The following MKLN1 variants were observed in gnomAD, a reference collection of about 807,000 sequenced individuals.
MKLN1 encodes muskelin 1.
MKLN1 carries 18 observed loss-of-function variants against 99.0 expected under a neutral mutation model. That is an observed-to-expected ratio of 0.18 (90% CI 0.13 to 0.27). The LOEUF is 0.27. Among genes scored for constraint, MKLN1 ranks in the 10% least tolerant of loss-of-function variants. The probability of loss-of-function intolerance (pLI) is 1.00; values close to 1 mark genes in which losing one functional copy is unlikely to be tolerated. For missense variants in MKLN1, 621 were observed against 875.9 expected (o/e 0.71, Z 3.67); for synonymous variants, 288 against 293.2 (o/e 0.98, Z 0.18).
chr7:131,281,494 G>T, intron 3 of MKLN1, among the ~76,000 whole-genome samples: 1 of 151,958 alleles, frequency 6.6e-6, no homozygotes, highest in African/African-American at 2.4e-5. Context: ...TCCTCTTCAA[G>T]ATTGTTTTGG....
At chr7:131,219,041 A>G (rs1158074356) in intron 3 of MKLN1, among the ~76,000 whole-genome samples, 5 of 152,190 alleles carry the variant, frequency 3.3e-5, no homozygotes. Context: ...GGTGGTTGCC[A>G]GAAGCTGGGG....
intron 3 of MKLN1, among the ~76,000 whole-genome samples, chr7:131,228,184 C>T (rs945498263): frequency 2.0e-5 from 3 of 152,196 alleles, no homozygotes; most frequent in African/African-American, 7.2e-5. Flanking sequence ...CCACCTCAGC[C>T]CCCTGAGTAG....
intron 4 of MKLN1, among the ~76,000 whole-genome samples, chr7:131,391,874 A>G (rs1028108325): frequency 2.0e-5 from 3 of 152,322 alleles, no homozygotes; most frequent in Admixed American, 6.5e-5. Flanking sequence ...TTGTGTTTAC[A>G]TGCCTTCTTA....
At chr7:131,233,111 G>A (rs1797267211) in intron 3 of MKLN1, among the ~76,000 whole-genome samples, 1 of 152,090 alleles carries the variant, frequency 6.6e-6, no homozygotes, top group Non-Finnish European at 1.5e-5. Context: ...AGGCCGAGGA[G>A]GAAGGATTGT....
rs143014967 is a variant in MKLN1, at chr7:131,200,003, A to C, written c.-296-2854A>C. 3.3e-3 allele frequency among the ~76,000 whole-genome samples: 507 copies of C among 152,000 alleles called. 4 individuals carry two copies. The highest frequency in any genetic ancestry group is 0.012 in the African/African-American group (482 of 41,466). ...GTGAGCCACTGCACCCAGCCTTGTA[A>C]TTTTTTAAATGTGTTGCTTTTTTTT... is the stretch of plus-strand genomic sequence containing the variant. On this transcript the variant is annotated intron_variant, in intron 2 of 7. Coordinates refer to the MKLN1 transcript ENST00000416992.
chr7:131,305,980 C>T (rs1798459479), intron 3 of MKLN1, among the ~76,000 whole-genome samples: 1 of 152,122 alleles, frequency 6.6e-6, no homozygotes. Context: ...GGGAAAGGAC[C>T]TGGTGGGAGG....
intron 3 of MKLN1, among the ~76,000 whole-genome samples, chr7:131,212,779 C>T (rs10808253): frequency 0.43 from 65,803 of 151,738 alleles, 14,624 homozygotes; most frequent in East Asian, 0.69. Flanking sequence ...CAAAATTAGC[C>T]GGGCATGATG....
At chr7:131,333,568 C>T (rs898425248) in intron 1 of MKLN1, among the ~76,000 whole-genome samples, 1 of 150,994 alleles carries the variant, frequency 6.6e-6, no homozygotes, top group African/African-American at 2.4e-5. Context: ...CGGAGTTTCG[C>T]TCTTATTGCC....
chr7:131,238,612 C>T (rs113879838), intron 3 of MKLN1, among the ~76,000 whole-genome samples: 268 of 152,344 alleles, frequency 1.8e-3, no homozygotes, highest in African/African-American at 6.2e-3. Context: ...ATGAAGGGAA[C>T]ACTAGCTGCT....
At chr7:131,214,239 C>T (rs1378776857) in intron 3 of MKLN1, among the ~76,000 whole-genome samples, 1 of 152,152 alleles carries the variant, frequency 6.6e-6, no homozygotes, top group Non-Finnish European at 1.5e-5. Context: ...GGGTCCTCTG[C>T]CATAGTGCAT....
At chr7:131,418,522 C>T (rs150516895) in intron 8 of MKLN1, among the ~76,000 whole-genome samples, 1 of 152,228 alleles carries the variant, frequency 6.6e-6, no homozygotes, top group Admixed American at 6.5e-5. Context: ...CAAAAAAAGT[C>T]TCTTAATGTT....
rs139851501 is a variant in MKLN1, at chr7:131,475,638, C to T, written c.2032-2985C>T. Among the ~76,000 whole-genome samples, 7 of 152,204 alleles carry T rather than the reference C, an allele frequency of 4.6e-5. No homozygotes were observed. In the East Asian group the frequency reaches 1.4e-3, roughly 29 times the overall value. ...ACCAGCTTGGGCAACATAGCAAAAA[C>T]CTGTCTCTACAAAAACATGCAAAAA... On this transcript the variant is annotated intron_variant, in intron 16 of 17. Transcript: ENST00000352689.
In MKLN1 at chr7:131,139,934, C is replaced by T. The variant is rs141280734; in HGVS notation, c.-418-2886C>T. ...TGGCAGGAGGTCAGCTGAGCTGACA[C>T]GCAGGTGGTAAGGGACCTCAGAGAT... On this transcript the variant is annotated intron_variant, in intron 1 of 7. Coordinates refer to the MKLN1 transcript ENST00000416992. Among the ~76,000 whole-genome samples the T allele has an allele frequency of 8.2e-3, 1,242 of 152,218 alleles. 18 individuals carry two copies. The highest frequency in any genetic ancestry group is 0.028 in the African/African-American group (1,176 of 41,538).
chr7:131,287,537 C>T (rs1312979443), intron 3 of MKLN1, among the ~76,000 whole-genome samples: 1 of 152,102 alleles, frequency 6.6e-6, no homozygotes, highest in Non-Finnish European at 1.5e-5. Flanking sequence ...GGGCCTACCA[C>T]AGTGATCTAG....
intron 2 of MKLN1, among the ~76,000 whole-genome samples, chr7:131,191,261 T>C (rs1220891930): frequency 6.6e-6 from 1 of 152,244 alleles, no homozygotes; most frequent in African/African-American, 2.4e-5. Flanking sequence ...GATGTGGGAA[T>C]GCAAGCAGTT....
chr7:131,130,644 T>C (rs1795535490), intron 1 of MKLN1, among the ~76,000 whole-genome samples: 1 of 152,252 alleles, frequency 6.6e-6, no homozygotes. Flanking sequence ...CAAGGGATGC[T>C]GGTGAATAAT....
rs1352150628 is a variant in MKLN1 at position 131,443,975 on chromosome 7, C to T, written c.1395+273C>T. Among the ~76,000 whole-genome samples the T allele has an allele frequency of 2.0e-5, 3 of 152,232 alleles. No individual in the cohort carries two copies. In the East Asian group the frequency reaches 5.8e-4, roughly 30 times the overall value. Reference sequence around the variant, plus strand: ...TTTGTAGCTATGTTCCTTTCTTATGCCTTTCCACTTACGTCTCTTAGTAAT... The same window carrying T: ...TTTGTAGCTATGTTCCTTTCTTATGTCTTTCCACTTACGTCTCTTAGTAAT... On this transcript the variant is annotated intron_variant, in intron 11 of 17. Transcript: ENST00000352689.
At chr7:131,391,656 C>G (rs1027906643) in intron 4 of MKLN1, among the ~76,000 whole-genome samples, 9 of 152,150 alleles carry the variant, frequency 5.9e-5, no homozygotes, top group African/African-American at 1.4e-4. Context: ...GAAAGTTTTA[C>G]TTTCCTTTCT....
chr7:131,165,437 G>A (rs932654187), intron 2 of MKLN1, among the ~76,000 whole-genome samples: 4 of 152,086 alleles, frequency 2.6e-5, no homozygotes, highest in Admixed American at 6.6e-5. Context: ...TGCCCGCCTC[G>A]GCCTTCCAAA....
Sources: gnomAD v4.1 joint callset for allele counts (sites outside exome capture counted in the v4.1 genomes callset) on GRCh38, gnomAD v4.1.1 for gene constraint, MANE v1.5 for transcripts, NCBI Gene and HGNC (gene_info 2026-07-23, HGNC 2026-07-21) for gene names.